Variants in ZNF121 observed in about 807,000 individuals in gnomAD.
ZNF121 encodes the protein zinc finger protein 121, also known as zinc finger protein 121 (clone ZHC32).
Under a neutral mutation model 2.4 loss-of-function variants are expected in ZNF121, and 1 was observed. That is an observed-to-expected ratio of 0.41 (90% CI 0.15 to 1.94). The LOEUF (loss-of-function observed/expected upper bound fraction) is 1.94, where lower values mean the gene tolerates loss of function less well. Ranked by LOEUF, ZNF121 falls within the 30% of genes most tolerant of loss-of-function variation. The pLI is 0.30. For synonymous variants in ZNF121, 173 were observed against 158.6 expected (o/e 1.09, Z -0.68); for missense variants, 369 against 466.3 (o/e 0.79, Z 1.92).
At position 9,580,751 on chromosome 19, in the gene ZNF121, T is replaced by C. The variant is rs565190375; in HGVS notation, c.-160+3710A>G. ...CTCAACGTGTCCATGTTAAATGGCA[T>C]CCTATTTATTGGAAGCCTCTGGCAT... is the stretch of plus-strand genomic sequence containing the variant. On this transcript the variant is annotated intron_variant, in intron 1 of 3. Coordinates refer to ENST00000320451, the MANE Select transcript of ZNF121 (RefSeq NM_001008727.5). Among the ~76,000 whole-genome samples the C allele has an allele frequency of 9.8e-5, 15 of 152,310 alleles. No homozygotes were observed. In the East Asian group the frequency reaches 2.7e-3, roughly 27 times the overall value.
At chr19:9,579,469 G>C (rs2144823309) in intron 1 of ZNF121, among the ~76,000 whole-genome samples, 1 of 152,362 alleles carries the variant, frequency 6.6e-6, no homozygotes, top group Admixed American at 6.5e-5. Flanking sequence ...TGAATCACTT[G>C]AGGTCAGGAG....
rs2074124258 is a variant in ZNF121 at position 9,565,471 on chromosome 19, A to G, written c.*469T>C. ...GATCACCTGAGGTCAGGAGCTCGAGACCAGCCTGGCCAACATGGTGAAACC... is the reference window on the plus strand; with the variant it reads ...GATCACCTGAGGTCAGGAGCTCGAGGCCAGCCTGGCCAACATGGTGAAACC... On this transcript the variant is annotated 3_prime_UTR_variant, in exon 4 of 4. Coordinates refer to ENST00000320451, the MANE Select transcript of ZNF121 (RefSeq NM_001008727.5). The G allele has an allele frequency of 6.7e-6, 1 of 149,668 alleles. No individual in the cohort carries two copies. The highest frequency in any genetic ancestry group is 1.5e-5 in the Non-Finnish European group (1 of 67,636). The allele number at this position is 149,668 out of a possible 1,614,324, so 9.3% of individuals were successfully genotyped here.
intron 1 of ZNF121, among the ~76,000 whole-genome samples, chr19:9,575,177 T>C (rs1290735108): frequency 1.3e-5 from 2 of 152,174 alleles, no homozygotes; most frequent in Non-Finnish European, 2.9e-5. Flanking sequence ...CACAACACTT[T>C]GGGAGGCTGA....
At position 9,566,300 on chromosome 19, in the gene ZNF121, A is replaced by C. The variant is rs1486523376; in HGVS notation, c.813T>G (p.Leu271=). ...CAGTGTGAATTCTAAAGTGATTCTT[A>C]AGGCATGAAGAGCTTCTGAAGGATT... The part of the protein sequence containing the change: ...CGKSFRSSSC[L]KNHFRIHTGI... The change falls in exon 4 of 4, where the codon CTT becomes CTG. Residue 271 remains leucine, a synonymous_variant. Transcript: ENST00000320451. 1 of 1,613,924 alleles carries C rather than the reference A, an allele frequency of 6.2e-7. No homozygotes were observed. Among genetic ancestry groups the C allele is most frequent in the Middle Eastern group, 1.7e-4 (1 of 6,058 alleles).
chr19:9,578,236 C>G (rs1206346622), intron 1 of ZNF121, among the ~76,000 whole-genome samples: 1 of 150,948 alleles, frequency 6.6e-6, no homozygotes, highest in East Asian at 1.9e-4. Context: ...GAGACTCCAC[C>G]TCAAAAAATT....
rs1437038254 is a variant in ZNF121, at chr19:9,566,032, T to C, written c.1081A>G (p.Ile361Val). The C allele has an allele frequency of 1.2e-6, 2 of 1,613,988 alleles. No homozygotes were observed. The highest frequency in any genetic ancestry group is 1.3e-5 in the African/African-American group (1 of 75,030). The change falls in exon 4 of 4, where the codon ATT (isoleucine) becomes GTT (valine). Residue 361 changes from isoleucine to valine, a missense_variant. By Grantham distance (29) the Ile-to-Val change is conservative (BLOSUM62 3). Around this residue, in one of 4 missense-constraint regions of ZNF121, gnomAD observed 127 missense variants for 169.9 expected, o/e 0.75. Transcript: ENST00000320451. The part of the protein sequence containing the change: ...ASSHLQKHVR[I>V]HTGEKPYICN... ...ATATAGGGTTTCTCTCCAGTGTGAA[T>C]TCTAACATGTTTCTGTAGATGTGAA...
chr19:9,583,183 C>T (rs1193546136), intron 1 of ZNF121, among the ~76,000 whole-genome samples: 1 of 150,840 alleles, frequency 6.6e-6, no homozygotes, highest in Non-Finnish European at 1.5e-5. Flanking sequence ...CGCCACTGCA[C>T]TCCAGCCTGG....
intron 1 of ZNF121, chr19:9,584,113 G>A (rs1336927338): frequency 6.6e-6 from 1 of 152,224 alleles, no homozygotes; most frequent in Non-Finnish European, 1.5e-5. Context: ...CCTGAGGCGC[G>A]GAAATGCGGG....
intron 1 of ZNF121, among the ~76,000 whole-genome samples, chr19:9,575,428 A>C (rs1348984923): frequency 6.9e-6 from 1 of 145,372 alleles, no homozygotes; most frequent in Non-Finnish European, 1.5e-5. Flanking sequence ...ATTTCAAAAA[A>C]ACAAAAACAA....
At chr19:9,577,077 A>C (rs1355864306) in intron 1 of ZNF121, among the ~76,000 whole-genome samples, 5 of 152,240 alleles carry the variant, frequency 3.3e-5, no homozygotes, top group Admixed American at 3.3e-4. Flanking sequence ...AGAGAAGAGA[A>C]TATTTCCAAA....
chr19:9,575,544 A>T (rs2074204619), intron 1 of ZNF121, among the ~76,000 whole-genome samples: 1 of 152,134 alleles, frequency 6.6e-6, no homozygotes, highest in South Asian at 2.1e-4. Context: ...GAAGTTCAAG[A>T]CCAGCCTGGC....
intron 1 of ZNF121, among the ~76,000 whole-genome samples, chr19:9,572,551 A>G (rs1456031687): frequency 6.6e-6 from 1 of 152,212 alleles, no homozygotes; most frequent in African/African-American, 2.4e-5. Context: ...AAGCCAAGTC[A>G]GAGTGGCTGT....
chr19:9,565,774 T>TA lies in ZNF121; in HGVS notation c.*165dup, dbSNP rs1410626015. The TA allele has an allele frequency of 2.2e-6, 1 of 457,050 alleles. No homozygotes were observed. Among genetic ancestry groups the TA allele is most frequent in the Non-Finnish European group, 3.8e-6 (1 of 260,906 alleles). The allele number at this position is 457,050 out of a possible 1,614,324, so 28.3% of individuals were successfully genotyped here. On this transcript the variant is annotated 3_prime_UTR_variant, in exon 4 of 4. Transcript: ENST00000320451. ...ATTCCTAAAATTTATAGGGGACACATAGAGTATGAGTTCTTTCATGTCTTC... is the reference window on the plus strand; with the variant it reads ...ATTCCTAAAATTTATAGGGGACACATAAGAGTATGAGTTCTTTCATGTCTTC...
chr19:9,571,582 G>T (rs958123886), intron 1 of ZNF121, among the ~76,000 whole-genome samples: 2 of 151,856 alleles, frequency 1.3e-5, no homozygotes, highest in Non-Finnish European at 2.9e-5. Flanking sequence ...CTTTCACCTG[G>T]CAGGACCAAC....
intron 2 of ZNF121, 123 bp downstream of exon 2, chr19:9,568,879 C>T (rs553792763): frequency 7.9e-4 from 121 of 152,318 alleles, no homozygotes; most frequent in African/African-American, 2.7e-3. Flanking sequence ...GTTGAAGATA[C>T]CCTAAAACTT....
intron 3 of ZNF121, 27 bp downstream of exon 3, chr19:9,568,068 G>C (rs1417939988): frequency 6.5e-7 from 1 of 1,533,758 alleles, no homozygotes; most frequent in Non-Finnish European, 8.8e-7. Flanking sequence ...TTTTTTGAGT[G>C]TGGTAAATAA....
Position 9,565,846 on chromosome 19 carries a change from A to G in ZNF121, c.*94T>C, listed in dbSNP as rs529086933. The G allele has an allele frequency of 2.9e-6, 3 of 1,030,340 alleles. No homozygotes were observed. The highest frequency in any genetic ancestry group is 1.6e-5 in the African/African-American group (1 of 61,622). 63.8% of individuals were successfully genotyped at this position (1,030,340 alleles called of 1,614,324 possible). A position where few individuals can be genotyped will look rare whatever the true frequency, so the allele number is the denominator to read the frequency against. The stretch of plus-strand genomic sequence containing the variant: ...AGGCCTCCTCACATTCTTTGTACCA[A>G]TAAAATTTCTCTTCAGTGTGAATTC... On this transcript the variant is annotated 3_prime_UTR_variant, in exon 4 of 4. Transcript: ENST00000320451.
Position 9,561,922 on chromosome 19 carries a change from C to T in ZNF121, c.*4018G>A, listed in dbSNP as rs963532062. 4.0e-5 allele frequency: 6 copies of T among 151,052 alleles called. No homozygotes were observed. Among genetic ancestry groups the T allele is most frequent in the Admixed American group, 4.0e-4 (6 of 15,150 alleles). 9.4% of individuals were successfully genotyped at this position (151,052 alleles called of 1,614,324 possible). On this transcript the variant is annotated 3_prime_UTR_variant, in exon 4 of 4. Transcript: ENST00000320451. ...AAAAAAAAAAAAAAGGAAAAGAAAA[C>T]CACCATTTGGAAACCACTACAGCAA... is the stretch of plus-strand genomic sequence containing the variant.
In ZNF121 at chr19:9,565,932, G is replaced by A. The variant is rs1201595819; in HGVS notation, c.*8C>T. On this transcript the variant is annotated 3_prime_UTR_variant, in exon 4 of 4. Coordinates refer to ENST00000320451, the MANE Select transcript of ZNF121 (RefSeq NM_001008727.5). ...GATTTCCACATTCCTTACATTCAGA[G>A]TTTTTCTTCAGTGTGTTTTTAAATG... is the stretch of plus-strand genomic sequence containing the variant. The A allele has an allele frequency of 6.5e-7, 1 of 1,528,666 alleles. No individual in the cohort carries two copies. Among genetic ancestry groups the A allele is most frequent in the Non-Finnish European group, 8.8e-7 (1 of 1,135,116 alleles). The allele number at this position is 1,528,666 out of a possible 1,614,324, so 94.7% of individuals were successfully genotyped here.
Sources: allele counts gnomAD v4.1 joint callset (sites outside exome capture counted in the v4.1 genomes callset), GRCh38; gene constraint gnomAD v4.1.1; regional missense constraint gnomAD v4.1.1; transcripts MANE v1.5; gene names NCBI Gene and HGNC (gene_info 2026-07-23, HGNC 2026-07-21).